The following CACNA1D variants were observed in gnomAD, a reference collection of about 807,000 sequenced individuals.
CACNA1D encodes voltage-dependent L-type calcium channel subunit alpha-1D.
In CACNA1D, 55 loss-of-function variants were observed where a neutral mutation model predicts 257.1. That is an observed-to-expected ratio of 0.21 (90% CI 0.17 to 0.27). The LOEUF (loss-of-function observed/expected upper bound fraction) is 0.27, where lower values mean the gene tolerates loss of function less well. Ranked by LOEUF, CACNA1D falls within the 10% of genes least tolerant of loss-of-function variation. The probability of loss-of-function intolerance (pLI) is 1.00; values close to 1 mark genes in which losing one functional copy is unlikely to be tolerated. For synonymous variants in CACNA1D, 980 were observed against 1,014.9 expected (o/e 0.97, Z 0.65); for missense variants, 1,876 against 2,784.0 (o/e 0.67, Z 7.34).
intron 3 of CACNA1D, among the ~76,000 whole-genome samples, chr3:53,576,036 C>G (rs949095823): frequency 2.0e-5 from 3 of 152,118 alleles, no homozygotes; most frequent in African/African-American, 7.2e-5. Context: ...GGAACGTTCC[C>G]TCTCTCCGTT....
intron 3 of CACNA1D, among the ~76,000 whole-genome samples, chr3:53,570,368 A>G (rs1020077054): frequency 2.6e-5 from 4 of 152,208 alleles, no homozygotes; most frequent in African/African-American, 9.7e-5. Flanking sequence ...TATACAGTAA[A>G]CACTCCATGA....
chr3:53,564,863 T>G (rs1199167412), intron 3 of CACNA1D, among the ~76,000 whole-genome samples: 2 of 152,220 alleles, frequency 1.3e-5, no homozygotes, highest in Non-Finnish European at 2.9e-5. Context: ...AAGGAATTCT[T>G]AAGAAAACCT....
intron 3 of CACNA1D, among the ~76,000 whole-genome samples, chr3:53,515,177 C>T (rs2091282954): frequency 6.6e-6 from 1 of 152,160 alleles, no homozygotes; most frequent in African/African-American, 2.4e-5. Context: ...GCACACTACC[C>T]ACAAGGCTTG....
chr3:53,657,361 C>T (rs1441137067), intron 4 of CACNA1D, among the ~76,000 whole-genome samples: 2 of 151,928 alleles, frequency 1.3e-5, no homozygotes, highest in African/African-American at 4.8e-5. Context: ...CAGCCAATCA[C>T]TGGATACTCA....
chr3:53,501,865 T>G (rs938644276), intron 3 of CACNA1D, 145 bp downstream of exon 3: 22 of 650,356 alleles, frequency 3.4e-5, no homozygotes, highest in Admixed American at 5.0e-5. Flanking sequence ...TGGTTTTTTG[T>G]TTGTTTGTTT....
rs185112257 is a variant in CACNA1D at position 53,695,175 on chromosome 3, G to A, written c.1221-7466G>A. Among the ~76,000 whole-genome samples, 142 of 152,278 alleles carry A rather than the reference G, an allele frequency of 9.3e-4. 1 individual carries two copies. Among genetic ancestry groups the A allele is most frequent in the Middle Eastern group, 3.4e-3 (1 of 294 alleles). ...ACTAAGTCACAGCAGTCAGGTCCCC[G>A]TGGAGGAGGTGCTGGGGAGGCTGGA... On this transcript the variant is annotated intron_variant, in intron 8 of 47. Coordinates refer to ENST00000350061, the MANE Select transcript of CACNA1D (RefSeq NM_001128840.3).
intron 30 of CACNA1D, among the ~76,000 whole-genome samples, chr3:53,769,085 C>A (rs2095351609): frequency 6.6e-6 from 1 of 152,258 alleles, no homozygotes; most frequent in Non-Finnish European, 1.5e-5. Context: ...TCCAACTCCT[C>A]TGTGTTCTCT....
chr3:53,648,023 T>C (rs2094041003), intron 3 of CACNA1D, among the ~76,000 whole-genome samples: 1 of 152,214 alleles, frequency 6.6e-6, no homozygotes. Flanking sequence ...TAATGGCCCT[T>C]GTGTTATTGT....
intron 7 of CACNA1D, among the ~76,000 whole-genome samples, chr3:53,667,845 G>A (rs1210512404): frequency 6.6e-6 from 1 of 151,864 alleles, no homozygotes; most frequent in Non-Finnish European, 1.5e-5. Context: ...GTATGCATGT[G>A]TGTGTGTGTG....
At chr3:53,608,067 C>G (rs1440134150) in intron 3 of CACNA1D, among the ~76,000 whole-genome samples, 2 of 152,132 alleles carry the variant, frequency 1.3e-5, no homozygotes, top group Admixed American at 6.6e-5. Context: ...TGGGATTACA[C>G]TGAATCTATA....
chr3:53,538,141 GTTT>G (rs538996336), intron 3 of CACNA1D, among the ~76,000 whole-genome samples: 10 of 90,476 alleles, frequency 1.1e-4, no homozygotes, highest in African/African-American at 4.2e-4. Flanking sequence ...AGTTTTTGAA[GTTT>G]TTTTTTTTTT....
intron 9 of CACNA1D, among the ~76,000 whole-genome samples, chr3:53,707,475 C>T (rs1281725346): frequency 6.6e-6 from 1 of 152,192 alleles, no homozygotes; most frequent in Non-Finnish European, 1.5e-5. Context: ...TGACAGGTAG[C>T]TCCAGCTTTG....
intron 3 of CACNA1D, among the ~76,000 whole-genome samples, chr3:53,528,685 C>T (rs2091848588): frequency 2.0e-5 from 3 of 152,088 alleles, no homozygotes; most frequent in Admixed American, 2.0e-4. Context: ...CTCTTTAGAT[C>T]TTCTCTAATT....
Position 53,666,516 on chromosome 3 carries a change from G to C in CACNA1D, c.1097G>C (p.Trp366Ser). 3 of 1,613,830 alleles carry C rather than the reference G, an allele frequency of 1.9e-6. No individual in the cohort carries two copies. Among genetic ancestry groups the C allele is most frequent in the Non-Finnish European group, 2.5e-6 (3 of 1,179,710 alleles). The part of the protein sequence containing the change: ...TVFQCITMEG[W>S]TDVLYWMNDA... ...TTTCAGTGCATCACCATGGAGGGCT[G>C]GACAGATGTGCTCTACTGGGTAAGT... The change falls in exon 7 of 48, where the codon TGG (tryptophan) becomes TCG (serine). Residue 366 changes from tryptophan to serine, a missense_variant. Transcript: ENST00000350061.
intron 3 of CACNA1D, among the ~76,000 whole-genome samples, chr3:53,568,819 A>G (rs2092894486): frequency 6.6e-6 from 1 of 152,142 alleles, no homozygotes; most frequent in South Asian, 2.1e-4. Context: ...ATTATTTTCC[A>G]TATTCCCTGC....
chr3:53,712,708 C>T (rs1472414412), intron 9 of CACNA1D, among the ~76,000 whole-genome samples: 1 of 152,142 alleles, frequency 6.6e-6, no homozygotes, highest in African/African-American at 2.4e-5. Flanking sequence ...CCAGCCTCAC[C>T]CCCTACCCTT....
chr3:53,600,998 A>G (rs1241838017), intron 3 of CACNA1D, among the ~76,000 whole-genome samples: 1 of 152,138 alleles, frequency 6.6e-6, no homozygotes, highest in Non-Finnish European at 1.5e-5. Context: ...CACCCTCTCT[A>G]ACTCCACAGT....
chr3:53,668,781 C>A (rs975199168), intron 7 of CACNA1D, among the ~76,000 whole-genome samples: 1 of 152,164 alleles, frequency 6.6e-6, no homozygotes, highest in Non-Finnish European at 1.5e-5. Flanking sequence ...CAGCCATGGG[C>A]AATACATAAG....
At position 53,573,764 on chromosome 3, in the gene CACNA1D, A is replaced by G. The variant is rs148220461; in HGVS notation, c.483+72044A>G. On this transcript the variant is annotated intron_variant, in intron 3 of 47. Coordinates refer to ENST00000350061, the MANE Select transcript of CACNA1D (RefSeq NM_001128840.3). The stretch of plus-strand genomic sequence containing the variant: ...TATACATGGTTGAATGAATGAATGA[A>G]TGAATGATTTCATGAACAAAGTGTG... 2.4e-3 allele frequency among the ~76,000 whole-genome samples: 360 copies of G among 152,340 alleles called. 2 individuals are homozygous for G. Among genetic ancestry groups the G allele is most frequent in the African/African-American group, 8.0e-3 (333 of 41,582 alleles).
Sources: allele counts gnomAD v4.1 joint callset (sites outside exome capture counted in the v4.1 genomes callset), GRCh38; gene constraint gnomAD v4.1.1; transcripts MANE v1.5; gene names NCBI Gene and HGNC (gene_info 2026-07-23, HGNC 2026-07-21).